The following GGNBP2 variants were observed in gnomAD, a reference collection of about 807,000 sequenced individuals.
GGNBP2 encodes the protein gametogenetin-binding protein 2.
Under a neutral mutation model 85.9 loss-of-function variants are expected in GGNBP2, and 10 were observed. That is an observed-to-expected ratio of 0.12 (90% confidence interval 0.07 to 0.20). GGNBP2 has a LOEUF of 0.20. Ranked by LOEUF, GGNBP2 falls within the 10% of genes least tolerant of loss-of-function variation. The pLI is 1.00. For synonymous variants in GGNBP2, 287 were observed against 285.7 expected, an observed-to-expected ratio of 1.00 and a Z score of -0.05; for missense variants, 595 against 857.8, an observed-to-expected ratio of 0.69 and a Z score of 3.83.
intron 2 of GGNBP2, among the ~76,000 whole-genome samples, chr17:36,551,259 T>G (rs936878521): frequency 3.3e-5 from 5 of 152,074 alleles, no homozygotes; most frequent in Non-Finnish European, 7.4e-5. Context: ...CAAGCTGGCG[T>G]GCAATGGCAC....
chr17:36,584,670 A>G (rs766963700), intron 9 of GGNBP2, among the ~76,000 whole-genome samples: 1 of 152,218 alleles, frequency 6.6e-6, no homozygotes, highest in Non-Finnish European at 1.5e-5. Context: ...TTCTGTTGAC[A>G]GGGCGTGGAG....
intron 5 of GGNBP2, among the ~76,000 whole-genome samples, chr17:36,566,801 A>G (rs373571234): frequency 1.3e-5 from 2 of 152,130 alleles, no homozygotes; most frequent in Non-Finnish European, 2.9e-5. Context: ...TGACCTTCCC[A>G]GCTACTTATA....
intron 2 of GGNBP2, among the ~76,000 whole-genome samples, chr17:36,551,829 CA>C (rs991187954): frequency 2.0e-5 from 3 of 148,844 alleles, no homozygotes; most frequent in African/African-American, 2.5e-5. Flanking sequence ...GACCCTGTCT[CA>C]AAAAAAAAAT....
chr17:36,557,018 A>G (rs2074368863), intron 3 of GGNBP2, 65 bp from the exon 4 acceptor site: 9 of 1,579,394 alleles, frequency 5.7e-6, no homozygotes, highest in Non-Finnish European at 7.8e-6. Flanking sequence ...AGGAACCAGT[A>G]GTAGTGAAAG....
chr17:36,569,879 A>G (rs768466214), intron 6 of GGNBP2, among the ~76,000 whole-genome samples: 2 of 152,188 alleles, frequency 1.3e-5, no homozygotes, highest in East Asian at 1.9e-4. Flanking sequence ...AGATTTTCCT[A>G]TGTTTAGGGT....
At chr17:36,554,172 G>A (rs2074337397) in intron 2 of GGNBP2, among the ~76,000 whole-genome samples, 1 of 151,544 alleles carries the variant, frequency 6.6e-6, no homozygotes, top group Admixed American at 6.6e-5. Context: ...AGCTGGGCTT[G>A]GTGGTGGGTT....
chr17:36,587,620 G>T (rs559015420), intron 13 of GGNBP2: 26 of 213,402 alleles, frequency 1.2e-4, no homozygotes, highest in African/African-American at 5.2e-4. Context: ...TGGGTGCAGT[G>T]GCTCATGCTT....
chr17:36,558,949 G>T (rs1163263575), intron 4 of GGNBP2, among the ~76,000 whole-genome samples: 1 of 152,006 alleles, frequency 6.6e-6, no homozygotes, highest in Non-Finnish European at 1.5e-5. Flanking sequence ...GGGATTTTTT[G>T]GATAGATTGG....
Position 36,557,274 on chromosome 17 carries a change from G to T in GGNBP2, c.366G>T (p.Leu122=). ...EPLTVGPKGV[L]SVTRSCMTDA... The stretch of plus-strand genomic sequence containing the variant: ...TAACAGTAGGGCCCAAGGGAGTCCT[G>T]TCTGTAACTAGAAGCTGCATGACTG... The change falls in exon 4 of 14, where the codon CTG becomes CTT. Residue 122 remains leucine, a synonymous_variant. Coordinates refer to ENST00000613102, the MANE Select transcript of GGNBP2 (RefSeq NM_024835.5). The T allele has an allele frequency of 6.2e-7, 1 of 1,613,998 alleles. No homozygotes were observed. The highest frequency in any genetic ancestry group is 8.5e-7 in the Non-Finnish European group (1 of 1,179,902).
Position 36,545,616 on chromosome 17 carries a change from C to A in GGNBP2, c.-106-3C>A. ...TTACGCTCGCGGGGTTTGGCTGTTG[C>A]AGGCAGGAGCTGGGAGGAGGCGGCA... On this transcript the variant is annotated splice_region_variant and splice_polypyrimidine_tract_variant and intron_variant, in intron 1 of 13. Coordinates refer to ENST00000613102, the MANE Select transcript of GGNBP2 (RefSeq NM_024835.5). The A allele has an allele frequency of 1.2e-6, 1 of 809,582 alleles. No homozygotes were observed. Among genetic ancestry groups the A allele is most frequent in the Non-Finnish European group, 2.0e-6 (1 of 492,748 alleles). 50.1% of individuals were successfully genotyped at this position (809,582 alleles called of 1,614,324 possible).
rs972267270 is a variant in GGNBP2 at position 36,575,172 on chromosome 17, C to A, written c.642-2811C>A. 48 of 656,514 alleles carry A rather than the reference C, an allele frequency of 7.3e-5. 2 individuals carry two copies. The highest frequency in any genetic ancestry group is 9.6e-5 in the Non-Finnish European group (35 of 362,826). 40.7% of individuals were successfully genotyped at this position (656,514 alleles called of 1,614,324 possible). A position where few individuals can be genotyped will look rare whatever the true frequency, so the allele number is the denominator to read the frequency against. On this transcript the variant is annotated intron_variant, in intron 6 of 13. Transcript: ENST00000613102. ...TTGGTGATAGGCATCCACTCTTTAT[C>A]CTCGGCCTTGCCTCCATGAGCTCTG...
At chr17:36,569,077 T>A (rs1555606348) in intron 6 of GGNBP2, among the ~76,000 whole-genome samples, 1 of 151,656 alleles carries the variant, frequency 6.6e-6, no homozygotes, top group Non-Finnish European at 1.5e-5. Context: ...CTAAGTGTCA[T>A]TAACATTTGG....
At chr17:36,557,664 G>A (rs1048536754) in intron 4 of GGNBP2, among the ~76,000 whole-genome samples, 2 of 152,130 alleles carry the variant, frequency 1.3e-5, no homozygotes, top group Non-Finnish European at 2.9e-5. Context: ...AAGTGAGCAA[G>A]CAAATCTTGT....
intron 6 of GGNBP2, chr17:36,575,035 G>C (rs1303400808): frequency 9.5e-6 from 14 of 1,478,040 alleles, no homozygotes; most frequent in Non-Finnish European, 1.3e-5. Context: ...CCTCGTCCTT[G>C]AGAGAGGCCC....
At chr17:36,576,627 G>GTGTATATGTATATA (rs1567830486) in intron 6 of GGNBP2, 1 of 110,698 alleles carries the variant, frequency 9.0e-6, no homozygotes, top group African/African-American at 3.9e-5. Context: ...GTGTGTGTGT[G>GTGTATATGTATATA]TGTATATGTA....
In GGNBP2 at chr17:36,545,359, G is replaced by A. The variant is rs966030363; in HGVS notation, c.-106-260G>A. 5 of 237,686 alleles carry A rather than the reference G, an allele frequency of 2.1e-5. No individual in the cohort carries two copies. The Admixed American group carries it at 2.3e-4, about 11-fold the overall frequency. 14.7% of individuals were successfully genotyped at this position (237,686 alleles called of 1,614,324 possible). ...GCAGCGGGCGGGGAAGCCCCCGGCA[G>A]GCCGGTCCCTTCCGCCTCTCCTTTG... is the stretch of plus-strand genomic sequence containing the variant. On this transcript the variant is annotated intron_variant, in intron 1 of 13. Coordinates refer to ENST00000613102, the MANE Select transcript of GGNBP2 (RefSeq NM_024835.5).
At chr17:36,585,033 ACATT>A (rs2074686961) in intron 9 of GGNBP2, among the ~76,000 whole-genome samples, 1 of 152,058 alleles carries the variant, frequency 6.6e-6, no homozygotes, top group Non-Finnish European at 1.5e-5. Flanking sequence ...TTCCTCAGAG[ACATT>A]CATAAGTGAA....
At chr17:36,570,600 T>C (rs1599528641) in intron 6 of GGNBP2, among the ~76,000 whole-genome samples, 1 of 152,286 alleles carries the variant, frequency 6.6e-6, no homozygotes, top group East Asian at 1.9e-4. Context: ...CTCAGGAGGC[T>C]GAGGCAGGAG....
intron 6 of GGNBP2, among the ~76,000 whole-genome samples, chr17:36,570,687 G>T (rs867770536): frequency 6.6e-6 from 1 of 151,884 alleles, no homozygotes; most frequent in Non-Finnish European, 1.5e-5. Context: ...TGGGCAACAA[G>T]AGTGAAACTT....
Sources: gnomAD v4.1 joint callset for allele counts (sites outside exome capture counted in the v4.1 genomes callset) on GRCh38, gnomAD v4.1.1 for gene constraint, MANE v1.5 for transcripts, NCBI Gene and HGNC (gene_info 2026-07-23, HGNC 2026-07-21) for gene names.